CPNE5: variants seen among roughly 807,000 people sequenced by gnomAD.
The protein encoded by CPNE5 is copine-5.
A neutral mutation model predicts 81.1 loss-of-function variants in CPNE5; 42 were observed. The observed-to-expected ratio is 0.52, with a 90% CI of 0.40 to 0.67. The LOEUF (loss-of-function observed/expected upper bound fraction) is 0.67, where lower values mean the gene tolerates loss of function less well. CPNE5 is among the 30% of genes least tolerant of loss of function. The pLI is 0.00. For synonymous variants in CPNE5, 313 were observed against 321.5 expected, an observed-to-expected ratio of 0.97 and a Z score of 0.28; for missense variants, 612 against 815.5, an observed-to-expected ratio of 0.75 and a Z score of 3.04.
chr6:36,759,592 G>T (rs917989365), intron 12 of CPNE5, among the ~76,000 whole-genome samples: 1 of 152,034 alleles, frequency 6.6e-6, no homozygotes. Flanking sequence ...TCACAAAACA[G>T]AAAATAGCCA....
chr6:36,787,357 T>C (rs1350887245), intron 8 of CPNE5, among the ~76,000 whole-genome samples: 1 of 152,010 alleles, frequency 6.6e-6, no homozygotes, highest in African/African-American at 2.4e-5. Context: ...ACCCACAGTC[T>C]CATCTTTCCG....
chr6:36,808,706 G>A (rs961091606), intron 3 of CPNE5, among the ~76,000 whole-genome samples: 6 of 152,142 alleles, frequency 3.9e-5, no homozygotes, highest in African/African-American at 1.4e-4. Flanking sequence ...TTGCAGAGCT[G>A]GTCTCCAATA....
At chr6:36,765,494 G>A (rs1320135865) in intron 10 of CPNE5, 118 bp from the exon 11 acceptor site, 5 of 1,230,186 alleles carry the variant, frequency 4.1e-6, no homozygotes, top group Non-Finnish European at 5.8e-6. Context: ...CTGGGCCCCA[G>A]GGCCCTGGGT....
intron 8 of CPNE5, among the ~76,000 whole-genome samples, chr6:36,782,946 G>A (rs1486416283): frequency 2.6e-5 from 4 of 151,480 alleles, no homozygotes; most frequent in Non-Finnish European, 4.4e-5. Flanking sequence ...GCTCCTAGTG[G>A]GTAACTTAAC....
chr6:36,837,054 T>G (rs1288847809), intron 1 of CPNE5, among the ~76,000 whole-genome samples: 1 of 152,240 alleles, frequency 6.6e-6, no homozygotes, highest in Non-Finnish European at 1.5e-5. Flanking sequence ...GCAAGAGGTT[T>G]GAGTCCTTTG....
At chr6:36,758,130 A>C (rs1650716908) in intron 12 of CPNE5, among the ~76,000 whole-genome samples, 1 of 152,186 alleles carries the variant, frequency 6.6e-6, no homozygotes, top group Admixed American at 6.5e-5. Flanking sequence ...GACCTTAGGC[A>C]GGTTACTTAA....
intron 3 of CPNE5, among the ~76,000 whole-genome samples, chr6:36,821,208 A>G (rs769008760): frequency 6.6e-6 from 1 of 150,992 alleles, no homozygotes; most frequent in African/African-American, 2.4e-5. Context: ...AAGGAAGAGC[A>G]GGTGAAAAGG....
intron 3 of CPNE5, among the ~76,000 whole-genome samples, chr6:36,804,479 C>A (rs1304244684): frequency 6.6e-6 from 1 of 152,186 alleles, no homozygotes; most frequent in Non-Finnish European, 1.5e-5. Context: ...GGCTTTCTTG[C>A]AAAATATTCC....
At chr6:36,751,882 G>T (rs751168341) in intron 14 of CPNE5, among the ~76,000 whole-genome samples, 9 of 152,146 alleles carry the variant, frequency 5.9e-5, no homozygotes, top group Non-Finnish European at 1.0e-4. Context: ...AGGTGCTATG[G>T]ACTGTAAGGG....
chr6:36,767,042 G>A (rs1443008199), intron 10 of CPNE5, among the ~76,000 whole-genome samples: 1 of 152,144 alleles, frequency 6.6e-6, no homozygotes, highest in Admixed American at 6.5e-5. Flanking sequence ...TTTTAGTAGA[G>A]ATGGGGTTTC....
At chr6:36,783,867 T>A (rs1049910270) in intron 8 of CPNE5, among the ~76,000 whole-genome samples, 6 of 152,188 alleles carry the variant, frequency 3.9e-5, no homozygotes, top group Non-Finnish European at 7.3e-5. Context: ...TTAACACCCT[T>A]GCTTAAAGTC....
chr6:36,759,430 G>A (rs1251890598), intron 12 of CPNE5, among the ~76,000 whole-genome samples: 2 of 150,894 alleles, frequency 1.3e-5, no homozygotes, highest in East Asian at 3.9e-4. Flanking sequence ...GACAGGTCTG[G>A]AATCTGCCCT....
At chr6:36,789,295 G>A (rs537696872) in intron 8 of CPNE5, among the ~76,000 whole-genome samples, 1 of 152,130 alleles carries the variant, frequency 6.6e-6, no homozygotes, top group Non-Finnish European at 1.5e-5. Flanking sequence ...GGGAGGACTG[G>A]GGAAGAAGGA....
intron 3 of CPNE5, 67 bp downstream of exon 3, chr6:36,822,047 G>T (rs944883803): frequency 7.0e-7 from 1 of 1,418,746 alleles, no homozygotes; most frequent in African/African-American, 1.4e-5. Context: ...AATTGCTCCC[G>T]AATTAGAGAC....
chr6:36,830,684 T>C (rs1305661596), intron 1 of CPNE5, among the ~76,000 whole-genome samples: 1 of 152,224 alleles, frequency 6.6e-6, no homozygotes, highest in Non-Finnish European at 1.5e-5. Context: ...GCTTCTGAGC[T>C]GGAGTCCCCA....
chr6:36,742,935 G>A, intron 20 of CPNE5: 1 of 985,380 alleles, frequency 1.0e-6, no homozygotes, highest in Non-Finnish European at 1.2e-6. Flanking sequence ...CCTAATGCCA[G>A]GCCCATCTGG....
chr6:36,832,018 G>A (rs1773024830), intron 1 of CPNE5, among the ~76,000 whole-genome samples: 3 of 150,982 alleles, frequency 2.0e-5, no homozygotes, highest in South Asian at 4.2e-4. Context: ...TCTGTGTGAG[G>A]CCAGCAGAAG....
intron 6 of CPNE5, among the ~76,000 whole-genome samples, chr6:36,796,450 C>T (rs968439901): frequency 6.6e-6 from 1 of 152,214 alleles, no homozygotes; most frequent in Non-Finnish European, 1.5e-5. Context: ...AGCACAGACA[C>T]CCTCCCTCAT....
At chr6:36,806,800 C>A (rs911210910) in intron 3 of CPNE5, among the ~76,000 whole-genome samples, 2 of 152,206 alleles carry the variant, frequency 1.3e-5, no homozygotes, top group African/African-American at 4.8e-5. Flanking sequence ...TGCATGACTC[C>A]CGATCATGCA....
Sources: gnomAD v4.1 joint callset for allele counts (sites outside exome capture counted in the v4.1 genomes callset) on GRCh38, gnomAD v4.1.1 for gene constraint, MANE v1.5 for transcripts, NCBI Gene and HGNC (gene_info 2026-07-23, HGNC 2026-07-21) for gene names.